The following ZFHX3 variants were observed in gnomAD, a reference collection of about 807,000 sequenced individuals.
The protein encoded by ZFHX3 is zinc finger homeobox protein 3.
ZFHX3 carries 42 observed loss-of-function variants against 279.1 expected under a neutral mutation model. That is an observed-to-expected ratio of 0.15 (90% confidence interval 0.12 to 0.19). The LOEUF is 0.19. Among genes scored for constraint, ZFHX3 ranks in the 10% least tolerant of loss-of-function variants. The pLI is 1.00. For missense variants in ZFHX3, 4,981 were observed against 4,754.0 expected (o/e 1.05, Z -1.40); for synonymous variants, 2,293 against 1,957.8 (o/e 1.17, Z -4.52).
chr16:73,354,186 T>A (rs1380172921), intron 3 of ZFHX3, among the ~76,000 whole-genome samples: 2 of 152,308 alleles, frequency 1.3e-5, no homozygotes, highest in East Asian at 3.9e-4. Context: ...TAGGACATCC[T>A]TATGCTAAAA....
At chr16:72,900,381 C>G (rs150455669) in intron 3 of ZFHX3, among the ~76,000 whole-genome samples, 2 of 152,200 alleles carry the variant, frequency 1.3e-5, no homozygotes, top group East Asian at 3.8e-4. Flanking sequence ...GAAAAAAACA[C>G]GTGTCTACTG....
At chr16:73,485,420 G>A (rs141874577) in intron 2 of ZFHX3, among the ~76,000 whole-genome samples, 1 of 97,340 alleles carries the variant, frequency 1.0e-5, no homozygotes, top group South Asian at 3.1e-4. Flanking sequence ...TTGAGGGTGA[G>A]GGAGAAAAAA....
At position 72,794,263 on chromosome 16, in the gene ZFHX3, C is replaced by T. The variant is rs755569664; in HGVS notation, c.8419G>A (p.Val2807Met). 55 of 1,613,988 alleles carry T rather than the reference C, an allele frequency of 3.4e-5. No individual in the cohort carries two copies. The highest frequency in any genetic ancestry group is 4.2e-5 in the Non-Finnish European group (50 of 1,180,016). ...RTLLSPSSIK[V>M]EGIEDFESPS... Reference sequence around the variant, plus strand: ...CTTTCAAAGTCTTCAATCCCTTCCACCTTAATGGAGGAAGGGCTTAGAAGA... The same window carrying T: ...CTTTCAAAGTCTTCAATCCCTTCCATCTTAATGGAGGAAGGGCTTAGAAGA... The change falls in exon 9 of 10, where the codon GTG becomes ATG. Residue 2807 changes from valine (V) to methionine (M), a missense_variant. Around this residue, in one of 7 missense-constraint regions of ZFHX3, gnomAD observed 744 missense variants for 701.3 expected, o/e 1.06. Coordinates refer to ENST00000268489, the MANE Select transcript of ZFHX3 (RefSeq NM_006885.4). This position sits in a 1 kb window ranked among gnomAD's most constrained non-coding sequence, Gnocchi z 4.2.
chr16:73,084,619 C>T (rs1965988672), intron 8 of ZFHX3, among the ~76,000 whole-genome samples: 1 of 146,640 alleles, frequency 6.8e-6, no homozygotes, highest in Non-Finnish European at 1.5e-5. Context: ...TTCCCGGGTT[C>T]ACACCATTCT....
chr16:73,474,305 G>A (rs149885550), intron 2 of ZFHX3, among the ~76,000 whole-genome samples: 618 of 151,946 alleles, frequency 4.1e-3, no homozygotes, highest in South Asian at 0.013. Context: ...GTGCCACCAC[G>A]CCCAGCTAAT....
intron 1 of ZFHX3, among the ~76,000 whole-genome samples, chr16:73,866,161 C>A (rs537914074): frequency 6.9e-5 from 10 of 144,770 alleles, no homozygotes; most frequent in Admixed American, 1.4e-4. Flanking sequence ...CACCACTATG[C>A]CAGGCTAATT....
chr16:73,678,664 C>CA (rs146855854), intron 2 of ZFHX3, among the ~76,000 whole-genome samples: 1 of 151,946 alleles, frequency 6.6e-6, no homozygotes, highest in Non-Finnish European at 1.5e-5. Context: ...TATGACTCAC[C>CA]AAAAAAACTG....
chr16:73,464,099 T>G (rs1342767506), intron 2 of ZFHX3, among the ~76,000 whole-genome samples: 1 of 152,180 alleles, frequency 6.6e-6, no homozygotes, highest in Non-Finnish European at 1.5e-5. Flanking sequence ...TAAGTGCCTT[T>G]GCTTAGTAAA....
At chr16:73,878,623 T>C (rs2030032019) in intron 1 of ZFHX3, among the ~76,000 whole-genome samples, 1 of 152,094 alleles carries the variant, frequency 6.6e-6, no homozygotes, top group South Asian at 2.1e-4. Flanking sequence ...ATCTACTGTT[T>C]CTTTTTTTTT....
chr16:72,833,750 T>C (rs2037120409), intron 4 of ZFHX3, among the ~76,000 whole-genome samples: 2 of 152,190 alleles, frequency 1.3e-5, no homozygotes, highest in South Asian at 4.1e-4. Flanking sequence ...CAGACAGCTC[T>C]GTGTTTTAGA....
chr16:73,046,737 C>G (rs184245993), intron 1 of ZFHX3, among the ~76,000 whole-genome samples: 2 of 152,300 alleles, frequency 1.3e-5, no homozygotes, highest in East Asian at 3.9e-4. Flanking sequence ...GTAACTTTCT[C>G]ACAATCTACC....
intron 1 of ZFHX3, among the ~76,000 whole-genome samples, chr16:73,821,897 T>C (rs1045224700): frequency 3.3e-5 from 5 of 152,168 alleles, no homozygotes; most frequent in African/African-American, 1.2e-4. Flanking sequence ...GATTCCCATA[T>C]AGCCTAACAG....
chr16:73,153,469 G>A (rs1966998629), intron 5 of ZFHX3, among the ~76,000 whole-genome samples: 2 of 151,944 alleles, frequency 1.3e-5, no homozygotes, highest in Non-Finnish European at 2.9e-5. Flanking sequence ...CTGCACTGGA[G>A]TCATTGAAAA....
intron 5 of ZFHX3, among the ~76,000 whole-genome samples, chr16:73,145,435 C>T (rs936048911): frequency 1.6e-4 from 24 of 152,150 alleles, no homozygotes; most frequent in Non-Finnish European, 1.0e-4. Flanking sequence ...CAGCCTCCTG[C>T]GGAGGACCTT....
At chr16:73,563,169 G>GT (rs2020397266) in intron 2 of ZFHX3, among the ~76,000 whole-genome samples, 1 of 108,912 alleles carries the variant, frequency 9.2e-6, no homozygotes, top group Non-Finnish European at 1.8e-5. Flanking sequence ...TTTTTGTTTT[G>GT]TTGTGTGTGT....
At chr16:73,761,155 T>C (rs2053861903) in intron 1 of ZFHX3, among the ~76,000 whole-genome samples, 1 of 151,974 alleles carries the variant, frequency 6.6e-6, no homozygotes, top group Non-Finnish European at 1.5e-5. Context: ...ACAAAATCAA[T>C]GTGCAAAAAT....
At chr16:73,303,963 GAAA>G (rs201865011) in intron 4 of ZFHX3, among the ~76,000 whole-genome samples, 7 of 76,130 alleles carry the variant, frequency 9.2e-5, no homozygotes, top group African/African-American at 2.8e-4. Flanking sequence ...ACCCTAGGTG[GAAA>G]AAAAAAAAAA....
intron 5 of ZFHX3, among the ~76,000 whole-genome samples, chr16:73,165,688 A>G (rs1967348335): frequency 6.6e-6 from 1 of 152,138 alleles, no homozygotes; most frequent in Non-Finnish European, 1.5e-5. Flanking sequence ...CCAAAGCAAG[A>G]GCCTAGCTGT....
intron 2 of ZFHX3, among the ~76,000 whole-genome samples, chr16:73,601,145 T>C (rs1304217881): frequency 1.3e-5 from 2 of 152,092 alleles, no homozygotes; most frequent in Admixed American, 1.3e-4. Context: ...ATTCTTGTAC[T>C]GTTATTGTTA....
Sources: allele counts gnomAD v4.1 joint callset (sites outside exome capture counted in the v4.1 genomes callset), GRCh38; gene constraint gnomAD v4.1.1; regional missense constraint gnomAD v4.1.1; non-coding constraint Gnocchi (gnomAD v3.1); transcripts MANE v1.5; gene names NCBI Gene and HGNC (gene_info 2026-07-23, HGNC 2026-07-21).